The following GNB1L variants were observed in gnomAD, a reference collection of about 807,000 sequenced individuals.
GNB1L encodes G protein subunit beta 1 like, also known as guanine nucleotide-binding protein subunit beta-like protein 1.
GNB1L carries 20 observed loss-of-function variants against 29.1 expected under a neutral mutation model. The ratio of observed to expected loss-of-function variants is 0.69; its 90% CI spans 0.48 to 1.00. GNB1L has a LOEUF of 1.00. GNB1L is among the 50% of genes least tolerant of loss of function. The pLI, the probability that GNB1L is intolerant of heterozygous loss-of-function variation, is 0.00. For synonymous variants in GNB1L, 193 were observed against 206.5 expected (o/e 0.93, Z 0.56); for missense variants, 421 against 464.9 (o/e 0.91, Z 0.87).
intron 2 of GNB1L, among the ~76,000 whole-genome samples, chr22:19,854,170 C>CAT (rs1938179365): frequency 6.6e-6 from 1 of 152,182 alleles, no homozygotes; most frequent in Non-Finnish European, 1.5e-5. Flanking sequence ...CACTGCCTGG[C>CAT]ATAGAAGACT....
At chr22:19,803,774 C>T (rs1406814736) in intron 6 of GNB1L, among the ~76,000 whole-genome samples, 1 of 152,218 alleles carries the variant, frequency 6.6e-6, no homozygotes, top group African/African-American at 2.4e-5. Flanking sequence ...TGCAGGCCAA[C>T]CCCAGAAGCT....
intron 2 of GNB1L, among the ~76,000 whole-genome samples, chr22:19,826,888 G>T (rs954490181): frequency 6.6e-6 from 1 of 152,118 alleles, no homozygotes; most frequent in Non-Finnish European, 1.5e-5. Context: ...ACACATCCAG[G>T]TTACGAGACA....
intron 6 of GNB1L, among the ~76,000 whole-genome samples, chr22:19,804,650 C>T (rs1937412506): frequency 6.6e-6 from 1 of 150,542 alleles, no homozygotes; most frequent in South Asian, 2.1e-4. Context: ...GGCCACTGTG[C>T]CACAATTGGA....
chr22:19,805,632 A>G (rs1416540177), intron 6 of GNB1L, among the ~76,000 whole-genome samples: 1 of 152,136 alleles, frequency 6.6e-6, no homozygotes, highest in Non-Finnish European at 1.5e-5. Flanking sequence ...AATACAAAAA[A>G]TTAGCCGGGC....
At chr22:19,824,425 A>G (rs1937603447) in intron 2 of GNB1L, among the ~76,000 whole-genome samples, 1 of 152,186 alleles carries the variant, frequency 6.6e-6, no homozygotes, top group African/African-American at 2.4e-5. Flanking sequence ...AGGCAAAGGA[A>G]CAGGAAACTT....
intron 7 of GNB1L, chr22:19,793,235 G>A: frequency 1.7e-6 from 1 of 581,008 alleles, no homozygotes; most frequent in South Asian, 2.3e-5. Context: ...TCTTAGCAGA[G>A]AAATGGAAAT....
intron 7 of GNB1L, among the ~76,000 whole-genome samples, chr22:19,791,816 T>C (rs1354436703): frequency 1.3e-5 from 2 of 152,176 alleles, no homozygotes; most frequent in Non-Finnish European, 2.9e-5. Flanking sequence ...ACTTCAGGAA[T>C]AGGATTCTAT....
chr22:19,825,800 A>T (rs1201642126), intron 2 of GNB1L, among the ~76,000 whole-genome samples: 1 of 151,594 alleles, frequency 6.6e-6, no homozygotes, highest in Non-Finnish European at 1.5e-5. Context: ...TACAAAAAAA[A>T]TAAATAAATT....
chr22:19,787,106 C>T lies in GNB1L; in HGVS notation c.*1603G>A, dbSNP rs1429369615. 1 of 152,302 alleles carries T rather than the reference C, an allele frequency of 6.6e-6. No homozygotes were observed. The highest frequency in any genetic ancestry group is 1.5e-5 in the Non-Finnish European group (1 of 68,108). The allele number at this position is 152,302 out of a possible 1,614,324, so 9.4% of individuals were successfully genotyped here. ...AGAGAAGTGTGGTCACAGGACTCCT[C>T]AAGGACTCCGGGCCCCCCAGCAACC... On this transcript the variant is annotated 3_prime_UTR_variant, in exon 8 of 8. Coordinates refer to ENST00000329517, the MANE Select transcript of GNB1L (RefSeq NM_053004.3).
intron 3 of GNB1L, 138 bp downstream of exon 3, chr22:19,821,090 T>C: frequency 1.2e-6 from 1 of 816,450 alleles, no homozygotes. Context: ...TGGTGGGTGC[T>C]GAAAGCTCAG....
At chr22:19,854,704 G>T (rs73877367) in intron 1 of GNB1L, 116 bp downstream of exon 1, 2,847 of 152,614 alleles carry the variant, frequency 0.019, 60 homozygotes, top group South Asian at 0.079. Flanking sequence ...GACCCAGGCT[G>T]GGGCTCCGAG....
chr22:19,829,846 A>AAT lies in GNB1L; in HGVS notation c.-20-8473_-20-8472dup, dbSNP rs143373766. Among the ~76,000 whole-genome samples the AAT allele has an allele frequency of 9.3e-3, 1,398 of 149,680 alleles. 7 individuals carry two copies. The highest frequency in any genetic ancestry group is 0.026 in the East Asian group (134 of 5,132). ...ACATTGATGCATTTCTTAGAGGTTA[A>AAT]ATATATATATATATATACATCCCCC... is the stretch of plus-strand genomic sequence containing the variant. On this transcript the variant is annotated intron_variant, in intron 2 of 7. Transcript: ENST00000329517.
chr22:19,799,611 C>G (rs965408338), intron 7 of GNB1L, among the ~76,000 whole-genome samples: 1 of 152,246 alleles, frequency 6.6e-6, no homozygotes, highest in East Asian at 1.9e-4. Flanking sequence ...CTCCCAGCAC[C>G]CGCCGGGGGG....
intron 2 of GNB1L, among the ~76,000 whole-genome samples, chr22:19,823,998 C>T (rs953602140): frequency 1.3e-5 from 2 of 152,192 alleles, no homozygotes; most frequent in African/African-American, 4.8e-5. Context: ...TGGGGCCTGG[C>T]GGGAGTTTCC....
intron 2 of GNB1L, chr22:19,847,920 G>A (rs932846146): frequency 1.0e-6 from 1 of 984,084 alleles, no homozygotes; most frequent in Non-Finnish European, 1.2e-6. Flanking sequence ...CACATACATG[G>A]CTTTACTATT....
intron 2 of GNB1L, among the ~76,000 whole-genome samples, chr22:19,840,442 C>T (rs148105348): frequency 0.015 from 2,285 of 152,288 alleles, 50 homozygotes; most frequent in African/African-American, 0.051. Context: ...ACAGATACCA[C>T]CTCCGCCAGG....
intron 2 of GNB1L, chr22:19,850,944 G>C: frequency 7.3e-7 from 1 of 1,374,958 alleles, no homozygotes; most frequent in African/African-American, 1.5e-5. Flanking sequence ...ATGCAGCAGA[G>C]AGCCAGCAGC....
chr22:19,812,173 G>T, intron 5 of GNB1L, 112 bp downstream of exon 5: 1 of 1,147,880 alleles, frequency 8.7e-7, no homozygotes, highest in Non-Finnish European at 1.2e-6. Context: ...GCTGCCGGCA[G>T]GTGGGCGGCT....
At chr22:19,808,654 A>G (rs1937464089) in intron 5 of GNB1L, among the ~76,000 whole-genome samples, 1 of 152,274 alleles carries the variant, frequency 6.6e-6, no homozygotes, top group South Asian at 2.1e-4. Flanking sequence ...AAGAACGTGG[A>G]GAACCCAGGA....
Sources: allele counts gnomAD v4.1 joint callset (sites outside exome capture counted in the v4.1 genomes callset), GRCh38; gene constraint gnomAD v4.1.1; transcripts MANE v1.5; gene names NCBI Gene and HGNC (gene_info 2026-07-23, HGNC 2026-07-21).